Variants in XIRP2 observed in about 807,000 individuals in gnomAD.
XIRP2 encodes the protein xin actin binding repeat containing 2, also known as xin actin-binding repeat-containing protein 2.
A neutral mutation model predicts 277.0 loss-of-function variants in XIRP2; 236 were observed. That is an observed-to-expected ratio of 0.85 (90% CI 0.77 to 0.95). The LOEUF is 0.95. XIRP2 is among the 40% of genes least tolerant of loss of function. The probability of loss-of-function intolerance (pLI) is 0.00; values close to 1 mark genes in which losing one functional copy is unlikely to be tolerated. For missense variants in XIRP2, 4,640 were observed against 4,157.5 expected, an observed-to-expected ratio of 1.12 and a Z score of -3.19; for synonymous variants, 1,490 against 1,416.5, an observed-to-expected ratio of 1.05 and a Z score of -1.17.
intron 2 of XIRP2, among the ~76,000 whole-genome samples, chr2:166,950,464 T>C (rs1036814745): frequency 6.6e-6 from 1 of 151,876 alleles, no homozygotes; most frequent in Non-Finnish European, 1.5e-5. Flanking sequence ...TAAAAAAAAA[T>C]TGATAGAAAA....
intron 2 of XIRP2, among the ~76,000 whole-genome samples, chr2:167,078,544 C>A (rs1896957): frequency 1.3e-5 from 2 of 151,364 alleles, no homozygotes; most frequent in African/African-American, 4.8e-5. Context: ...TTGCCTTTAA[C>A]GGCAAAAACT....
At chr2:166,955,477 T>A (rs1334379404) in intron 2 of XIRP2, among the ~76,000 whole-genome samples, 8 of 151,722 alleles carry the variant, frequency 5.3e-5, no homozygotes, top group African/African-American at 1.7e-4. Flanking sequence ...GTGAGGGAAA[T>A]GTTCTTAAAA....
chr2:167,244,790 C>G lies in XIRP2; in HGVS notation c.3398C>G (p.Thr1133Ser), dbSNP rs766796820. The G allele has an allele frequency of 1.2e-6, 2 of 1,613,530 alleles. No individual in the cohort carries two copies. The highest frequency in any genetic ancestry group is 2.2e-5 in the South Asian group (2 of 91,002). Residue 1133 changes from threonine (T) to serine (S), a missense_variant, in exon 9 of 11, where the codon ACT becomes AGT. Transcript: ENST00000409195. Reference sequence around the variant, plus strand: ...AAAACTTGTACTTGGCTCTTTGAAACTCAGCCACTTGATACCATAAAAGAT... The same window carrying G: ...AAAACTTGTACTTGGCTCTTTGAAAGTCAGCCACTTGATACCATAAAAGAT... ...DVKTCTWLFE[T>S]QPLDTIKDDS...
chr2:167,100,170 T>A (rs994122539), intron 2 of XIRP2, among the ~76,000 whole-genome samples: 13 of 149,026 alleles, frequency 8.7e-5, no homozygotes, highest in Admixed American at 8.0e-4. Flanking sequence ...AAAAAAAAAT[T>A]AAAAAAAAAT....
At chr2:166,935,032 G>GA (rs11372574) in intron 2 of XIRP2, among the ~76,000 whole-genome samples, 37,691 of 144,464 alleles carry the variant, frequency 0.26, 5,842 homozygotes, top group East Asian at 0.52. Flanking sequence ...CTCCTTCTCA[G>GA]AAAAAAAAAA....
chr2:167,178,735 A>G (rs1213782980), intron 3 of XIRP2, among the ~76,000 whole-genome samples: 2 of 152,050 alleles, frequency 1.3e-5, no homozygotes, highest in Admixed American at 6.6e-5. Flanking sequence ...GGACCACTCA[A>G]ATTAAACTTT....
chr2:167,254,911 T>C lies in XIRP2; in HGVS notation c.*39+746T>C, dbSNP rs535772083. Among the ~76,000 whole-genome samples the C allele has an allele frequency of 5.9e-5, 9 of 151,804 alleles. No homozygotes were observed. In the South Asian group the frequency reaches 1.9e-3, roughly 31 times the overall value. ...TAGTCTGAGATGCTAAAATTGATTT[T>C]TTTTTTTTTTGGCTAAATCTAATGT... is the stretch of plus-strand genomic sequence containing the variant. On this transcript the variant is annotated intron_variant, in intron 10 of 10. Transcript: ENST00000409195.
Position 167,243,244 on chromosome 2 carries a change from A to G in XIRP2, c.1852A>G (p.Thr618Ala). The G allele has an allele frequency of 6.2e-7, 1 of 1,614,140 alleles. No homozygotes were observed. Among genetic ancestry groups the G allele is most frequent in the Non-Finnish European group, 8.5e-7 (1 of 1,180,016 alleles). ...TGCTGGTGGTGATGTGAAATATACC[A>G]CATGGATGTTTGAAACCCAACCCAT... ...IIAGGDVKYTTWMFETQPIDT... is the reference protein window; with the variant it reads ...IIAGGDVKYTAWMFETQPIDT... Residue 618 changes from threonine to alanine, a missense_variant, in exon 9 of 11, where the codon ACA becomes GCA. Thr to Ala is a moderately conservative substitution (Grantham distance 58, BLOSUM62 0). Transcript: ENST00000409195.
At chr2:167,092,658 T>G (rs1224954753) in intron 2 of XIRP2, among the ~76,000 whole-genome samples, 2 of 152,122 alleles carry the variant, frequency 1.3e-5, no homozygotes, top group Admixed American at 6.6e-5. Flanking sequence ...TTTTAAAACT[T>G]TCTTGGCTAC....
In XIRP2 at chr2:167,251,658, G is replaced by A. The variant is rs561352024; in HGVS notation, c.10266G>A (p.Met3422Ile). 7 of 1,613,292 alleles carry A rather than the reference G, an allele frequency of 4.3e-6. No individual in the cohort carries two copies. The highest frequency in any genetic ancestry group is 5.9e-6 in the Non-Finnish European group (7 of 1,179,638). The change falls in exon 9 of 11, where the codon ATG becomes ATA. Residue 3422 changes from methionine to isoleucine, a missense_variant. Met to Ile is a conservative substitution (Grantham distance 10). Coordinates refer to ENST00000409195, the MANE Select transcript of XIRP2 (RefSeq NM_152381.6). ...CTCTAAGTGAACATTTCTCAGGCAT[G>A]GATGCATTTGAGAGTCAAATTGTTG... ...TRSLSEHFSG[M>I]DAFESQIVES... is the part of the protein sequence containing the mutation.
chr2:167,222,377 G>A (rs542924979), intron 5 of XIRP2, among the ~76,000 whole-genome samples: 1 of 152,272 alleles, frequency 6.6e-6, no homozygotes, highest in South Asian at 2.1e-4. Flanking sequence ...GAAGGGTTGA[G>A]CTTCTTCAAA....
Position 167,243,939 on chromosome 2 carries a change from A to G in XIRP2, c.2547A>G (p.Pro849=). The change falls in exon 9 of 11, where the codon CCA becomes CCG. Residue 849 remains proline (P), a synonymous_variant. Coordinates refer to ENST00000409195, the MANE Select transcript of XIRP2 (RefSeq NM_152381.6). ...AGTGTTGGATGTTTGAAACCCAGCCATTAGACATTCTAAAAGAAGTTCCTG... is the reference window on the plus strand; with the variant it reads ...AGTGTTGGATGTTTGAAACCCAGCCGTTAGACATTCTAAAAGAAGTTCCTG... ...SRKCWMFETQ[P]LDILKEVPDA... 6.2e-7 allele frequency: 1 copy of G among 1,614,038 alleles called. No homozygotes were observed. The highest frequency in any genetic ancestry group is 8.5e-7 in the Non-Finnish European group (1 of 1,179,944).
rs759171471 is a variant in XIRP2 at position 167,249,443 on chromosome 2, C to A, written c.8051C>A (p.Thr2684Asn). 1.8e-5 allele frequency: 29 copies of A among 1,613,630 alleles called. No homozygotes were observed. Among genetic ancestry groups the A allele is most frequent in the East Asian group, 2.2e-5 (1 of 44,854 alleles). ...AAACAAAGTCACCAAGAATGTAGTACCCAACAAACACAACAGAAGAAGTAT... is the reference window on the plus strand; with the variant it reads ...AAACAAAGTCACCAAGAATGTAGTAACCAACAAACACAACAGAAGAAGTAT... ...EIKQSHQECS[T>N]QQTQQKKYLE... The change falls in exon 9 of 11, where the codon ACC (threonine) becomes AAC (asparagine). Residue 2684 changes from threonine to asparagine, a missense_variant. Coordinates refer to ENST00000409195, the MANE Select transcript of XIRP2 (RefSeq NM_152381.6).
intron 2 of XIRP2, among the ~76,000 whole-genome samples, chr2:167,098,251 ATTC>A (rs1690377079): frequency 6.6e-6 from 1 of 151,942 alleles, no homozygotes; most frequent in South Asian, 2.1e-4. Flanking sequence ...GTTCCTTTTT[ATTC>A]TTTTTTCTCT....
At chr2:167,218,413 A>G (rs1573967634) in intron 5 of XIRP2, 113 bp downstream of exon 5, 3 of 1,012,190 alleles carry the variant, frequency 3.0e-6, no homozygotes, top group East Asian at 6.1e-5. Flanking sequence ...TTACTCATTA[A>G]CAAACACTGT....
At chr2:166,930,330 C>G (rs1303938141) in intron 2 of XIRP2, among the ~76,000 whole-genome samples, 1 of 152,156 alleles carries the variant, frequency 6.6e-6, no homozygotes, top group Non-Finnish European at 1.5e-5. Flanking sequence ...CCCCTCCTCC[C>G]TGACTGTTAA....
intron 2 of XIRP2, among the ~76,000 whole-genome samples, chr2:167,045,111 A>G (rs1490905652): frequency 6.6e-6 from 1 of 152,224 alleles, no homozygotes; most frequent in East Asian, 1.9e-4. Flanking sequence ...ACCTACAACC[A>G]TGTGATCGTG....
intron 1 of XIRP2, among the ~76,000 whole-genome samples, chr2:166,890,557 A>G (rs1684076025): frequency 6.6e-6 from 1 of 152,190 alleles, no homozygotes; most frequent in Admixed American, 6.5e-5. Flanking sequence ...ACAGCTCTCA[A>G]TAGTAAACTC....
chr2:167,146,292 G>C (rs1691863171), intron 3 of XIRP2, among the ~76,000 whole-genome samples: 1 of 151,974 alleles, frequency 6.6e-6, no homozygotes, highest in South Asian at 2.1e-4. Flanking sequence ...TTGAGGTCAG[G>C]AGTTCAAGAC....
Sources: allele counts gnomAD v4.1 joint callset (sites outside exome capture counted in the v4.1 genomes callset), GRCh38; gene constraint gnomAD v4.1.1; transcripts MANE v1.5; gene names NCBI Gene and HGNC (gene_info 2026-07-23, HGNC 2026-07-21).